The following TSGA13 variants were observed in gnomAD, a reference collection of about 807,000 sequenced individuals.
The protein encoded by TSGA13 is testis-specific gene 13 protein.
Under a neutral mutation model 35.1 loss-of-function variants are expected in TSGA13, and 37 were observed. That is an observed-to-expected ratio of 1.05 (90% CI 0.81 to 1.39). TSGA13 has a LOEUF of 1.39. Ranked by LOEUF, TSGA13 falls within the 40% of genes most tolerant of loss-of-function variation. The pLI is 0.00. For synonymous variants in TSGA13, 124 were observed against 121.2 expected (o/e 1.02, Z -0.15); for missense variants, 338 against 328.5 (o/e 1.03, Z -0.22).
chr7:130,686,928 G>GAGTGC (rs2116338463), upstream of TSGA13: 1 of 152,456 alleles, frequency 6.6e-6, no homozygotes, highest in South Asian at 2.1e-4. Flanking sequence ...CACAAGGCTG[G>GAGTGC]AGTGCAGTGG....
At position 130,685,218 on chromosome 7, in the gene TSGA13, G is replaced by T; in HGVS notation, c.-8C>A. The T allele has an allele frequency of 6.2e-7, 1 of 1,613,228 alleles. No homozygotes were observed. The highest frequency in any genetic ancestry group is 8.5e-7 in the Non-Finnish European group (1 of 1,179,230). Reference sequence around the variant, plus strand: ...TTGTCTCTTTTGGCTCATTGCTGTTGACTGCTAGTTGGCCAACCCAAGGCA... The same window carrying T: ...TTGTCTCTTTTGGCTCATTGCTGTTTACTGCTAGTTGGCCAACCCAAGGCA... On this transcript the variant is annotated 5_prime_UTR_variant, in exon 2 of 8. Transcript: ENST00000356588.
intron 3 of TSGA13, among the ~76,000 whole-genome samples, chr7:130,682,343 C>G (rs1213912234): frequency 1.3e-5 from 2 of 152,162 alleles, no homozygotes; most frequent in Admixed American, 1.3e-4. Flanking sequence ...TGGTTTTGAA[C>G]TCCTGACCTC....
At chr7:130,680,606 A>G (rs1796522446) in intron 4 of TSGA13, among the ~76,000 whole-genome samples, 1 of 152,056 alleles carries the variant, frequency 6.6e-6, no homozygotes, top group African/African-American at 2.4e-5. Context: ...CTTTCTCTCA[A>G]TAGGAGAAAG....
chr7:130,673,033 GAAGC>G (rs1796318409), intron 5 of TSGA13, among the ~76,000 whole-genome samples, 157 bp from the exon 6 acceptor site: 1 of 152,184 alleles, frequency 6.6e-6, no homozygotes, highest in African/African-American at 2.4e-5. Context: ...AGAATCAGAG[GAAGC>G]CGTTCCCTGG....
Position 130,668,864 on chromosome 7 carries a change from C to T in TSGA13, c.*150G>A. The T allele has an allele frequency of 4.4e-6, 6 of 1,361,506 alleles. No individual in the cohort carries two copies. The highest frequency in any genetic ancestry group is 2.4e-5 in the Admixed American group (1 of 40,910). 84.3% of individuals were successfully genotyped at this position (1,361,506 alleles called of 1,614,324 possible). ...GCAGCCACGCCCCCTTCTCCTCTTG[C>T]GGCCCGCCGGAGACTTCGGCTCGAC... On this transcript the variant is annotated 3_prime_UTR_variant, in exon 8 of 8. Coordinates refer to ENST00000356588, the MANE Select transcript of TSGA13 (RefSeq NM_052933.4).
chr7:130,675,618 C>T (rs767446741), intron 5 of TSGA13, among the ~76,000 whole-genome samples: 1 of 152,206 alleles, frequency 6.6e-6, no homozygotes, highest in Non-Finnish European at 1.5e-5. Context: ...CTCCTGACCT[C>T]GTGATCTGCC....
intron 5 of TSGA13, among the ~76,000 whole-genome samples, chr7:130,674,070 G>A (rs781877208): frequency 2.0e-4 from 31 of 151,778 alleles, no homozygotes; most frequent in Non-Finnish European, 3.8e-4. Context: ...ATTCCAGCTT[G>A]GGCAACAGAG....
At chr7:130,677,357 T>G (rs782667016) in intron 5 of TSGA13, among the ~76,000 whole-genome samples, 1 of 152,084 alleles carries the variant, frequency 6.6e-6, no homozygotes, top group Non-Finnish European at 1.5e-5. Context: ...TTCTTCAACC[T>G]CCAAAACAGT....
At position 130,671,665 on chromosome 7, in the gene TSGA13, T is replaced by G; in HGVS notation, c.654A>C (p.Lys218Asn). The change falls in exon 7 of 8, where the codon AAA becomes AAC. Residue 218 changes from lysine to asparagine, a missense_variant. Coordinates refer to ENST00000356588, the MANE Select transcript of TSGA13 (RefSeq NM_052933.4). The stretch of plus-strand genomic sequence containing the variant: ...CTTTGAAAGAGAGGAGCTTACCATC[T>G]TTCCTCATATCTCTCTCATGGACTG... Reference protein sequence around the residue: ...FAPVHERDMRKDASKKSASER... With the variant: ...FAPVHERDMRNDASKKSASER... 1 of 1,572,220 alleles carries G rather than the reference T, an allele frequency of 6.4e-7. No individual in the cohort carries two copies. Among genetic ancestry groups the G allele is most frequent in the South Asian group, 1.2e-5 (1 of 85,258 alleles).
chr7:130,678,105 G>A (rs565585410), intron 5 of TSGA13, among the ~76,000 whole-genome samples: 10 of 152,184 alleles, frequency 6.6e-5, no homozygotes, highest in Admixed American at 5.2e-4. Flanking sequence ...TAGGCCGGGC[G>A]CGATGGCTCA....
chr7:130,676,916 T>A (rs1253251915), intron 5 of TSGA13, among the ~76,000 whole-genome samples: 2 of 151,560 alleles, frequency 1.3e-5, no homozygotes, highest in African/African-American at 4.8e-5. Flanking sequence ...TTTTTGAGAC[T>A]GAGTCTCCCT....
intron 5 of TSGA13, among the ~76,000 whole-genome samples, chr7:130,678,421 G>A (rs372874812): frequency 4.0e-5 from 6 of 151,374 alleles, no homozygotes; most frequent in East Asian, 1.9e-4. Flanking sequence ...GGCAAATTCC[G>A]TCTTCTGAAA....
intron 7 of TSGA13, 52 bp downstream of exon 7, chr7:130,671,609 C>G: frequency 6.7e-7 from 1 of 1,495,982 alleles, no homozygotes; most frequent in East Asian, 2.5e-5. Flanking sequence ...GATTGTATCT[C>G]CAGCCCAAAT....
Position 130,684,515 on chromosome 7 carries a change from A to C in TSGA13, c.23+673T>G, listed in dbSNP as rs1796617071. 2.6e-5 allele frequency among the ~76,000 whole-genome samples: 4 copies of C among 152,222 alleles called. No individual in the cohort carries two copies. The South Asian group carries it at 6.2e-4, about 24-fold the overall frequency. ...TCAAAGTAAGAAGAATTATGCAACT[A>C]TCTCAACTAGACCTCTCTCCTTTAA... On this transcript the variant is annotated intron_variant, in intron 2 of 7. Coordinates refer to ENST00000356588, the MANE Select transcript of TSGA13 (RefSeq NM_052933.4).
At chr7:130,685,409 A>C (rs1796638347) in intron 1 of TSGA13, 49 bp from the exon 2 acceptor site, 3 of 1,338,318 alleles carry the variant, frequency 2.2e-6, no homozygotes, top group Admixed American at 3.0e-5. Context: ...TAGATGTAGA[A>C]AATGCACAAG....
At chr7:130,684,601 G>C (rs1327278201) in intron 2 of TSGA13, among the ~76,000 whole-genome samples, 1 of 152,194 alleles carries the variant, frequency 6.6e-6, no homozygotes. Flanking sequence ...TATGTCGTTT[G>C]TAGGTCAACT....
At chr7:130,672,450 C>T (rs782409253) in intron 6 of TSGA13, among the ~76,000 whole-genome samples, 2 of 150,530 alleles carry the variant, frequency 1.3e-5, no homozygotes, top group Non-Finnish European at 3.0e-5. Context: ...TAGCGCCTAA[C>T]TTGTATTGAG....
At chr7:130,675,117 T>G (rs1405576648) in intron 5 of TSGA13, among the ~76,000 whole-genome samples, 1 of 152,058 alleles carries the variant, frequency 6.6e-6, no homozygotes, top group Non-Finnish European at 1.5e-5. Flanking sequence ...AGGACCACTG[T>G]CTTAATGCAA....
At chr7:130,686,053 T>TA (rs1229896023) in intron 1 of TSGA13, among the ~76,000 whole-genome samples, 2 of 152,192 alleles carry the variant, frequency 1.3e-5, no homozygotes, top group Admixed American at 6.5e-5. Flanking sequence ...CCTTGACAAT[T>TA]AAGTAGAACT....
Sources: gnomAD v4.1 joint callset for allele counts (sites outside exome capture counted in the v4.1 genomes callset) on GRCh38, gnomAD v4.1.1 for gene constraint, MANE v1.5 for transcripts, NCBI Gene and HGNC (gene_info 2026-07-23, HGNC 2026-07-21) for gene names.